DTNB: variants seen among roughly 807,000 people sequenced by gnomAD.
The protein encoded by DTNB is DTN-B.
Under a neutral mutation model 90.7 loss-of-function variants are expected in DTNB, and 63 were observed. The observed-to-expected ratio is 0.69, with a 90% CI of 0.57 to 0.86. The LOEUF is 0.86. Among genes scored for constraint, DTNB ranks in the 40% least tolerant of loss-of-function variants. DTNB has a pLI of 0.00. For missense variants in DTNB, 744 were observed against 807.1 expected (o/e 0.92, Z 0.95); for synonymous variants, 277 against 286.7 (o/e 0.97, Z 0.34).
At chr2:25,635,063 TAAA>T (rs1353980667) in intron 3 of DTNB, among the ~76,000 whole-genome samples, 147 of 121,310 alleles carry the variant, frequency 1.2e-3, no homozygotes, top group African/African-American at 4.1e-3. Context: ...TAAAAAAAAA[TAAA>T]AAAATAAAAA....
At chr2:25,621,867 C>T (rs931279567) in intron 4 of DTNB, among the ~76,000 whole-genome samples, 5 of 151,900 alleles carry the variant, frequency 3.3e-5, no homozygotes, top group East Asian at 1.9e-4. Context: ...AGGAATCTTT[C>T]GATTGTTCAA....
chr2:25,519,224 C>T (rs919803106), intron 9 of DTNB, among the ~76,000 whole-genome samples: 5 of 151,742 alleles, frequency 3.3e-5, no homozygotes, highest in Non-Finnish European at 7.4e-5. Flanking sequence ...ATTAGCCAGG[C>T]GTGGTGACAT....
At chr2:25,586,185 T>C (rs1354745809) in intron 6 of DTNB, among the ~76,000 whole-genome samples, 4 of 152,132 alleles carry the variant, frequency 2.6e-5, no homozygotes, top group Non-Finnish European at 5.9e-5. Context: ...ATTACTAATT[T>C]TCTCATGTCA....
chr2:25,595,827 C>T (rs916191243), intron 6 of DTNB, among the ~76,000 whole-genome samples: 8 of 152,122 alleles, frequency 5.3e-5, no homozygotes, highest in Non-Finnish European at 1.0e-4. Flanking sequence ...AATGTACACA[C>T]TTGTTCTTAA....
At chr2:25,646,680 C>T (rs907625747) in intron 2 of DTNB, among the ~76,000 whole-genome samples, 18 of 152,148 alleles carry the variant, frequency 1.2e-4, no homozygotes, top group African/African-American at 4.1e-4. Context: ...GAAGGCCCCC[C>T]ACCTCATCCC....
At chr2:25,662,296 T>C (rs1222586730) in intron 1 of DTNB, among the ~76,000 whole-genome samples, 2 of 152,142 alleles carry the variant, frequency 1.3e-5, no homozygotes, top group East Asian at 1.9e-4. Context: ...ACAACCTAAA[T>C]GTCCATCAAC....
chr2:25,618,021 T>C (rs1037643386), intron 4 of DTNB, among the ~76,000 whole-genome samples: 1 of 152,186 alleles, frequency 6.6e-6, no homozygotes, highest in Non-Finnish European at 1.5e-5. Flanking sequence ...TACTTATATT[T>C]TTCCCTTCAA....
rs62128536 is a variant in DTNB at position 25,424,631 on chromosome 2, A to G, written c.1554+2904T>C. Among the ~76,000 whole-genome samples, 2,191 of 152,128 alleles carry G rather than the reference A, an allele frequency of 0.014. 20 individuals are homozygous for G. The highest frequency in any genetic ancestry group is 0.034 in the Middle Eastern group (10 of 294). ...TAATATTTGAGAACATCTTTCTGAA[A>G]AGGGAGATGTGACACAGGGAAGAGG... On this transcript the variant is annotated intron_variant, in intron 15 of 20. Coordinates refer to ENST00000406818, the MANE Select transcript of DTNB (RefSeq NM_021907.5). This position sits in a 1 kb window ranked among gnomAD's most constrained non-coding sequence, Gnocchi z 4.1.
chr2:25,408,383 A>G (rs1344768769), intron 16 of DTNB, among the ~76,000 whole-genome samples: 2 of 151,620 alleles, frequency 1.3e-5, no homozygotes, highest in East Asian at 1.9e-4. Flanking sequence ...CAAAAAACCA[A>G]CAAAAATTAG....
In DTNB at chr2:25,573,113, T is replaced by C. The variant is rs375829425; in HGVS notation, c.876+3725A>G. ...GGCACCCGCCACCACACCCAGCTAA[T>C]TTTTTGTAATTTTAGTAGAGACAGG... On this transcript the variant is annotated intron_variant, in intron 8 of 20. Coordinates refer to ENST00000406818, the MANE Select transcript of DTNB (RefSeq NM_021907.5). Among the ~76,000 whole-genome samples, 7 of 152,246 alleles carry C rather than the reference T, an allele frequency of 4.6e-5. No individual in the cohort carries two copies. The South Asian group carries it at 1.0e-3, about 23-fold the overall frequency.
chr2:25,436,009 C>G (rs1395064452), intron 12 of DTNB, among the ~76,000 whole-genome samples: 1 of 152,156 alleles, frequency 6.6e-6, no homozygotes. Flanking sequence ...ATTTGCATAT[C>G]CACTGATATT....
intron 16 of DTNB, 91 bp downstream of exon 16, chr2:25,419,424 G>A: frequency 2.0e-6 from 3 of 1,534,116 alleles, no homozygotes; most frequent in Non-Finnish European, 2.7e-6. Flanking sequence ...CAGAGATGAT[G>A]TGCGGGGAGA....
chr2:25,461,311 G>C (rs1213506371), intron 10 of DTNB, among the ~76,000 whole-genome samples: 2 of 152,174 alleles, frequency 1.3e-5, no homozygotes, highest in African/African-American at 4.8e-5. Context: ...AAATGACCAT[G>C]AATTTTCTGA....
chr2:25,555,304 AAAAAAC>A lies in DTNB; in HGVS notation c.876+21528_876+21533del, dbSNP rs1157355546. Among the ~76,000 whole-genome samples the A allele has an allele frequency of 1.3e-4, 20 of 151,838 alleles. No homozygotes were observed. The East Asian group carries it at 2.1e-3, about 16-fold the overall frequency. ...AGACTCCGTCTCCAAAAAAAAAAAA[AAAAAAC>A]AAAAAGGTCTGAAGCAAATCCAGCA... On this transcript the variant is annotated intron_variant, in intron 8 of 20. Coordinates refer to ENST00000406818, the MANE Select transcript of DTNB (RefSeq NM_021907.5).
intron 1 of DTNB, among the ~76,000 whole-genome samples, chr2:25,664,803 G>A (rs761871753): frequency 3.3e-5 from 5 of 152,164 alleles, no homozygotes; most frequent in Non-Finnish European, 5.9e-5. Context: ...GCCTGAAGTT[G>A]CAAAGCTAGG....
At chr2:25,653,574 C>A (rs1203757802) in intron 1 of DTNB, among the ~76,000 whole-genome samples, 4 of 138,740 alleles carry the variant, frequency 2.9e-5, no homozygotes, top group Non-Finnish European at 6.0e-5. Flanking sequence ...TGCAGTGGTG[C>A]GATCTCAGCT....
chr2:25,494,910 A>G (rs111764934), intron 9 of DTNB, among the ~76,000 whole-genome samples: 2 of 149,242 alleles, frequency 1.3e-5, no homozygotes, highest in African/African-American at 4.9e-5. Context: ...TGTTGCCAGA[A>G]AAAAAAAAAA....
chr2:25,544,788 A>C (rs1232939437), intron 8 of DTNB, among the ~76,000 whole-genome samples: 1 of 152,216 alleles, frequency 6.6e-6, no homozygotes, highest in Non-Finnish European at 1.5e-5. Context: ...ATTAGTAATT[A>C]TTATTTATAC....
chr2:25,634,710 T>C lies in DTNB; in HGVS notation c.148+4304A>G, dbSNP rs895157412. ...GGAGACTTCTCATTTTGTTCTGTACTATGAAAAATTATTCTGCCTTGGGAT... is the reference window on the plus strand; with the variant it reads ...GGAGACTTCTCATTTTGTTCTGTACCATGAAAAATTATTCTGCCTTGGGAT... On this transcript the variant is annotated intron_variant, in intron 3 of 20. Transcript: ENST00000406818. 2.6e-5 allele frequency among the ~76,000 whole-genome samples: 3 copies of C among 116,176 alleles called. 1 individual carries two copies. The highest frequency in any genetic ancestry group is 8.0e-5 in the African/African-American group (3 of 37,286). 76.2% of individuals were successfully genotyped at this position (116,176 alleles called of 152,430 possible). A position where few individuals can be genotyped will look rare whatever the true frequency, so the allele number is the denominator to read the frequency against.
Sources: gnomAD v4.1 joint callset for allele counts (sites outside exome capture counted in the v4.1 genomes callset) on GRCh38, gnomAD v4.1.1 for gene constraint, Gnocchi (gnomAD v3.1) non-coding constraint, MANE v1.5 for transcripts, NCBI Gene and HGNC (gene_info 2026-07-23, HGNC 2026-07-21) for gene names.